SHANK2: variants seen among roughly 807,000 people sequenced by gnomAD.
The protein encoded by SHANK2 is SH3 and multiple ankyrin repeat domains 2, also known as SH3 and multiple ankyrin repeat domains protein 2.
Under a neutral mutation model 133.7 loss-of-function variants are expected in SHANK2, and 43 were observed. The ratio of observed to expected loss-of-function variants is 0.32; its 90% CI spans 0.25 to 0.41. The LOEUF (loss-of-function observed/expected upper bound fraction) is 0.41, where lower values mean the gene tolerates loss of function less well. Among genes scored for constraint, SHANK2 ranks in the 10% least tolerant of loss-of-function variants. The pLI is 1.00. For missense variants in SHANK2, 1,994 were observed against 2,235.8 expected (o/e 0.89, Z 2.18); for synonymous variants, 1,017 against 952.8 (o/e 1.07, Z -1.24).
Position 70,473,043 on chromosome 11 carries a change from G to A in SHANK2, c.5376C>T (p.Ala1792=), listed in dbSNP as rs529952372. ...CCAAGTTTAGACTTTCCAGCCAATC[G>A]GCCACATCTGGTTTAGTCCACAGGT... ...PVHLWTKPDV[A]DWLESLNLGE... is the part of the protein sequence containing the mutation. The change falls in exon 26 of 26, where the codon GCC becomes GCT. Residue 1792 remains alanine, a synonymous_variant. Coordinates refer to ENST00000601538, the MANE Select transcript of SHANK2 (RefSeq NM_012309.5). The surrounding 1 kb of genome is among the most constrained non-coding windows in gnomAD (Gnocchi z 5.9). 5.6e-5 allele frequency: 90 copies of A among 1,614,220 alleles called. No homozygotes were observed. In the South Asian group the frequency reaches 8.6e-4, roughly 15 times the overall value.
intron 17 of SHANK2, among the ~76,000 whole-genome samples, chr11:70,658,228 C>CACACACACACACAG (rs2061431398): frequency 8.8e-6 from 1 of 113,926 alleles, no homozygotes; most frequent in Non-Finnish European, 1.9e-5. Flanking sequence ...CACACACACA[C>CACACACACACACAG]ACACACACAC....
chr11:70,513,417 C>A (rs1436959295), intron 17 of SHANK2, among the ~76,000 whole-genome samples: 2 of 152,196 alleles, frequency 1.3e-5, no homozygotes, highest in Non-Finnish European at 2.9e-5. Flanking sequence ...GCTGCCACTG[C>A]AGGGCAGACA....
chr11:71,183,273 G>T, intron 2 of SHANK2, among the ~76,000 whole-genome samples: 1 of 152,182 alleles, frequency 6.6e-6, no homozygotes. Context: ...GAGTTTCGAG[G>T]CTGAGGATGA....
chr11:70,845,198 C>CAAAAAAAAAAAAAAAAAAAAAAAAA (rs782471301), intron 11 of SHANK2, among the ~76,000 whole-genome samples: 3 of 51,670 alleles, frequency 5.8e-5, no homozygotes, highest in Admixed American at 2.1e-4. Context: ...GACTCTGTCT[C>CAAAAAAAAAAAAAAAAAAAAAAAAA]AAAAAAAAAA....
chr11:70,937,993 T>C (rs1950594210), intron 10 of SHANK2, among the ~76,000 whole-genome samples: 1 of 152,180 alleles, frequency 6.6e-6, no homozygotes, highest in Non-Finnish European at 1.5e-5. Flanking sequence ...TCTTATTCTC[T>C]CCAGTTCTAT....
chr11:70,544,039 C>T (rs1020513224), intron 17 of SHANK2, among the ~76,000 whole-genome samples: 1 of 152,180 alleles, frequency 6.6e-6, no homozygotes. Flanking sequence ...ACAGTCCCCC[C>T]AAATTTGGCC....
intron 1 of SHANK2, among the ~76,000 whole-genome samples, chr11:71,249,667 A>G (rs1190796600): frequency 6.6e-6 from 1 of 152,196 alleles, no homozygotes; most frequent in East Asian, 1.9e-4. Flanking sequence ...CCACTTTAGA[A>G]AAGTCCTCAT....
At chr11:70,541,901 C>T (rs1287535545) in intron 17 of SHANK2, among the ~76,000 whole-genome samples, 1 of 152,232 alleles carries the variant, frequency 6.6e-6, no homozygotes, top group Non-Finnish European at 1.5e-5. Context: ...CTGCAGTTCT[C>T]GTGGCAGCTG....
chr11:70,940,946 G>C (rs535446910), intron 10 of SHANK2, among the ~76,000 whole-genome samples: 1 of 152,176 alleles, frequency 6.6e-6, no homozygotes, highest in Non-Finnish European at 1.5e-5. Flanking sequence ...GTGGCAGGGA[G>C]ATGATGACCA....
At chr11:71,112,718 AG>A (rs1391329158) in intron 5 of SHANK2, among the ~76,000 whole-genome samples, 15 of 152,130 alleles carry the variant, frequency 9.9e-5, no homozygotes, top group Non-Finnish European at 5.9e-5. Flanking sequence ...CCTATGCCTC[AG>A]CCCCCTCTCC....
chr11:70,729,420 G>C (rs73527951), intron 14 of SHANK2, among the ~76,000 whole-genome samples: 2,146 of 152,222 alleles, frequency 0.014, 52 homozygotes, highest in African/African-American at 0.048. Flanking sequence ...TCATGGGCAC[G>C]GGGCTTCCTT....
chr11:70,653,691 C>T, intron 17 of SHANK2, among the ~76,000 whole-genome samples: 1 of 152,156 alleles, frequency 6.6e-6, no homozygotes. Flanking sequence ...AGCAGAATCA[C>T]CTGAGATGAA....
chr11:70,731,996 C>T (rs1362605480), intron 14 of SHANK2, among the ~76,000 whole-genome samples: 1 of 152,190 alleles, frequency 6.6e-6, no homozygotes, highest in East Asian at 1.9e-4. Context: ...CCTCAGCTCC[C>T]CATCCTCTGA....
At chr11:70,856,026 G>C (rs897282055) in intron 11 of SHANK2, among the ~76,000 whole-genome samples, 3 of 151,846 alleles carry the variant, frequency 2.0e-5, no homozygotes, top group Non-Finnish European at 4.4e-5. Flanking sequence ...TGAATAAATT[G>C]ATGGATGGAT....
intron 2 of SHANK2, among the ~76,000 whole-genome samples, chr11:71,206,338 T>A (rs1954126375): frequency 6.6e-6 from 1 of 152,170 alleles, no homozygotes; most frequent in Admixed American, 6.5e-5. Flanking sequence ...AGAGGTTACA[T>A]CGTGACTGTT....
At chr11:71,200,496 C>T (rs1450505900) in intron 2 of SHANK2, among the ~76,000 whole-genome samples, 1 of 152,198 alleles carries the variant, frequency 6.6e-6, no homozygotes, top group Non-Finnish European at 1.5e-5. Flanking sequence ...GAACTGCTGG[C>T]TCATGTGCTA....
At chr11:71,229,921 G>C (rs761278057) in intron 1 of SHANK2, among the ~76,000 whole-genome samples, 4 of 152,138 alleles carry the variant, frequency 2.6e-5, no homozygotes, top group Non-Finnish European at 4.4e-5. Flanking sequence ...TGGATTGGAA[G>C]ACTCAACATA....
intron 17 of SHANK2, among the ~76,000 whole-genome samples, chr11:70,548,026 C>A (rs2059716552): frequency 6.6e-6 from 1 of 152,224 alleles, no homozygotes; most frequent in Non-Finnish European, 1.5e-5. Flanking sequence ...AGCATCCTGG[C>A]CTGGCCTGGT....
intron 3 of SHANK2, among the ~76,000 whole-genome samples, chr11:71,139,914 T>C (rs1450581916): frequency 6.6e-6 from 1 of 152,070 alleles, no homozygotes; most frequent in African/African-American, 2.4e-5. Context: ...CCAGCAGCAG[T>C]GGGCCCGGAC....
Sources: gnomAD v4.1 joint callset for allele counts (sites outside exome capture counted in the v4.1 genomes callset) on GRCh38, gnomAD v4.1.1 for gene constraint, Gnocchi (gnomAD v3.1) non-coding constraint, MANE v1.5 for transcripts, NCBI Gene and HGNC (gene_info 2026-07-23, HGNC 2026-07-21) for gene names.